HPS3: variants seen among roughly 807,000 people sequenced by gnomAD.
HPS3 encodes BLOC-2 complex member HPS3.
In HPS3, 79 loss-of-function variants were observed where a neutral mutation model predicts 110.9. The observed-to-expected ratio is 0.71, with a 90% CI of 0.59 to 0.86. HPS3 has a LOEUF of 0.86. Among genes scored for constraint, HPS3 ranks in the 40% least tolerant of loss-of-function variants. The probability of loss-of-function intolerance (pLI) is 0.00; values close to 1 mark genes in which losing one functional copy is unlikely to be tolerated. For missense variants in HPS3, 1,197 were observed against 1,206.2 expected, an observed-to-expected ratio of 0.99 and a Z score of 0.11; for synonymous variants, 428 against 451.0, an observed-to-expected ratio of 0.95 and a Z score of 0.65.
At chr3:149,133,137 G>A (rs1384052730) in intron 1 of HPS3, among the ~76,000 whole-genome samples, 1 of 152,188 alleles carries the variant, frequency 6.6e-6, no homozygotes, top group East Asian at 1.9e-4. Flanking sequence ...AAACTTAGTT[G>A]ATAAAGCAAT....
At chr3:149,137,522 C>A (rs1160911996) in intron 1 of HPS3, among the ~76,000 whole-genome samples, 1 of 152,104 alleles carries the variant, frequency 6.6e-6, no homozygotes, top group Non-Finnish European at 1.5e-5. Flanking sequence ...TACATGCACA[C>A]CAATGTTTGT....
At chr3:149,155,285 C>T (rs1559918070) in intron 8 of HPS3, 70 bp downstream of exon 8, 1 of 938,100 alleles carries the variant, frequency 1.1e-6, no homozygotes, top group African/African-American at 1.6e-5. Flanking sequence ...GAAATTGATT[C>T]TAATTATCAT....
At chr3:149,171,650 C>T (rs1193971121) in intron 16 of HPS3, among the ~76,000 whole-genome samples, 1 of 150,508 alleles carries the variant, frequency 6.6e-6, no homozygotes, top group Non-Finnish European at 1.5e-5. Flanking sequence ...ATTTAAGAGA[C>T]TGATTTTTTT....
intron 16 of HPS3, among the ~76,000 whole-genome samples, chr3:149,170,012 C>T (rs1326677935): frequency 6.6e-6 from 1 of 152,122 alleles, no homozygotes; most frequent in Non-Finnish European, 1.5e-5. Flanking sequence ...CTTCTCTTAG[C>T]CTCAATTTTC....
rs143804526 is a variant in HPS3 at position 149,158,781 on chromosome 3, G to A, written c.1807G>A (p.Glu603Lys). ...WTVEDGLQKY[E>K]RGLIFYINHS... ...AGTAGAGGATGGATTACAGAAATACGAGAGAGGATTAATCTTTTACATTAA... is the reference window on the plus strand; with the variant it reads ...AGTAGAGGATGGATTACAGAAATACAAGAGAGGATTAATCTTTTACATTAA... Residue 603 changes from glutamate (E) to lysine (K), a missense_variant, in exon 10 of 17, where the codon GAG becomes AAG. Physicochemically the swap from Glu to Lys is moderately conservative, Grantham distance 56. Transcript: ENST00000296051. 1.1e-5 allele frequency: 17 copies of A among 1,610,218 alleles called. No homozygotes were observed. Among genetic ancestry groups the A allele is most frequent in the African/African-American group, 5.3e-5 (4 of 74,822 alleles).
intron 11 of HPS3, among the ~76,000 whole-genome samples, chr3:149,160,803 T>G (rs1480659931): frequency 6.6e-6 from 1 of 152,250 alleles, no homozygotes; most frequent in Non-Finnish European, 1.5e-5. Flanking sequence ...GTTAATCATT[T>G]AAGCGAAGAA....
Position 149,129,783 on chromosome 3 carries a change from G to A in HPS3, c.60G>A (p.Leu20=). 6.2e-7 allele frequency: 1 copy of A among 1,609,290 alleles called. No homozygotes were observed. The highest frequency in any genetic ancestry group is 8.5e-7 in the Non-Finnish European group (1 of 1,179,174). The stretch of plus-strand genomic sequence containing the variant: ...CGCAGCAGGTGGTGCCCTGCAAGCT[G>A]GAGCCGGACCGGTTCTGTGGCGGGG... ...FGSQQVVPCK[L]EPDRFCGGGR... is the part of the protein sequence containing the mutation. Residue 20 remains leucine, a synonymous_variant, in exon 1 of 17, where the codon CTG becomes CTA. Coordinates refer to ENST00000296051, the MANE Select transcript of HPS3 (RefSeq NM_032383.5).
At chr3:149,171,183 C>T (rs997743167) in intron 16 of HPS3, among the ~76,000 whole-genome samples, 3 of 151,890 alleles carry the variant, frequency 2.0e-5, no homozygotes, top group Non-Finnish European at 2.9e-5. Flanking sequence ...GAGGCTGAGG[C>T]AGGAGAATCT....
chr3:149,161,034 A>C (rs1168326186), intron 11 of HPS3, among the ~76,000 whole-genome samples: 1 of 152,188 alleles, frequency 6.6e-6, no homozygotes, highest in East Asian at 1.9e-4. Context: ...GTGCTCCTGC[A>C]CTGTTTTCTT....
chr3:149,148,471 C>G (rs1450373573), intron 5 of HPS3, among the ~76,000 whole-genome samples: 2 of 138,920 alleles, frequency 1.4e-5, no homozygotes, highest in African/African-American at 5.4e-5. Context: ...GGCGTGATCT[C>G]AGCTCACTGC....
rs369455349 is a variant in HPS3 at position 149,157,369 on chromosome 3, A to G, written c.1529A>G (p.Tyr510Cys). 1.5e-5 allele frequency: 25 copies of G among 1,613,690 alleles called. No homozygotes were observed. The highest frequency in any genetic ancestry group is 2.1e-5 in the Non-Finnish European group (25 of 1,179,844). ...YKEMVDYSNTYKTVKTQSCIH... is the reference protein window; with the variant it reads ...YKEMVDYSNTCKTVKTQSCIH... The stretch of plus-strand genomic sequence containing the variant: ...GTTTAGGTAGACTATAGCAATACCT[A>G]TAAGACTGTCAAAACCCAGAGCTGC... The change falls in exon 9 of 17, where the codon TAT becomes TGT. Residue 510 changes from tyrosine (Y) to cysteine (C), a missense_variant. Transcript: ENST00000296051.
chr3:149,165,887 T>A, intron 14 of HPS3: 1 of 408,786 alleles, frequency 2.4e-6, no homozygotes, highest in Non-Finnish European at 4.9e-6. Context: ...GCCATCTGAT[T>A]GTCAGGAAAT....
Position 149,162,756 on chromosome 3 carries a change from G to A in HPS3, c.2359G>A (p.Val787Met). 1 of 1,613,988 alleles carries A rather than the reference G, an allele frequency of 6.2e-7. No individual in the cohort carries two copies. The highest frequency in any genetic ancestry group is 8.5e-7 in the Non-Finnish European group (1 of 1,179,926). Residue 787 changes from valine (V) to methionine (M), a missense_variant, in exon 13 of 17, where the codon GTG becomes ATG. By Grantham distance (21) the Val-to-Met change is conservative (BLOSUM62 1). Transcript: ENST00000296051. ...GGTAGACTTTTGGGAAGCTCAGCTAGTGGCATGTCTCCCAGATGTGGTACT... is the reference window on the plus strand; with the variant it reads ...GGTAGACTTTTGGGAAGCTCAGCTAATGGCATGTCTCCCAGATGTGGTACT... ...LLVDFWEAQL[V>M]ACLPDVVLQE...
intron 5 of HPS3, among the ~76,000 whole-genome samples, 156 bp from the exon 6 acceptor site, chr3:149,150,443 T>C (rs1019661898): frequency 2.0e-5 from 3 of 152,208 alleles, no homozygotes; most frequent in African/African-American, 7.2e-5. Flanking sequence ...TTCTGAGGCA[T>C]TCCTCTTATT....
intron 8 of HPS3, among the ~76,000 whole-genome samples, chr3:149,155,430 T>C (rs892007668): frequency 6.6e-6 from 1 of 152,144 alleles, no homozygotes; most frequent in African/African-American, 2.4e-5. Context: ...AGCATAAGAC[T>C]CCCTTATTCA....
intron 16 of HPS3, among the ~76,000 whole-genome samples, chr3:149,170,956 T>C (rs1724916998): frequency 6.6e-6 from 1 of 152,198 alleles, no homozygotes; most frequent in Non-Finnish European, 1.5e-5. Context: ...TGCATTTTTT[T>C]TAATGTATGT....
intron 4 of HPS3, among the ~76,000 whole-genome samples, chr3:149,144,664 A>C (rs1722683525): frequency 6.6e-6 from 1 of 152,216 alleles, no homozygotes; most frequent in Non-Finnish European, 1.5e-5. Flanking sequence ...CGTGTCATTT[A>C]ACATGTTTCT....
rs149386520 is a variant in HPS3, at chr3:149,146,286, G to C, written c.1163+740G>C. ...AGCAACAATAGAAGAGAAGGTTAGAGAGACACACAAGAGTCACAGACACTA... is the reference window on the plus strand; with the variant it reads ...AGCAACAATAGAAGAGAAGGTTAGACAGACACACAAGAGTCACAGACACTA... On this transcript the variant is annotated intron_variant, in intron 5 of 16. Transcript: ENST00000296051. 1.4e-4 allele frequency among the ~76,000 whole-genome samples: 22 copies of C among 152,302 alleles called. No individual in the cohort carries two copies. The East Asian group carries it at 4.1e-3, about 28-fold the overall frequency.
intron 1 of HPS3, among the ~76,000 whole-genome samples, chr3:149,134,822 C>T (rs1298219801): frequency 1.3e-5 from 2 of 152,170 alleles, no homozygotes; most frequent in Non-Finnish European, 2.9e-5. Flanking sequence ...GAATTAGCAT[C>T]ACGGGTCATG....
Sources: allele counts gnomAD v4.1 joint callset (sites outside exome capture counted in the v4.1 genomes callset), GRCh38; gene constraint gnomAD v4.1.1; transcripts MANE v1.5; gene names NCBI Gene and HGNC (gene_info 2026-07-23, HGNC 2026-07-21).